MAN2A1: variants seen among roughly 807,000 people sequenced by gnomAD.
MAN2A1 encodes alpha-mannosidase 2.
Under a neutral mutation model 142.6 loss-of-function variants are expected in MAN2A1, and 76 were observed. The observed-to-expected ratio is 0.53, with a 90% CI of 0.44 to 0.65. MAN2A1 has a LOEUF of 0.65. Ranked by LOEUF, MAN2A1 falls within the 30% of genes least tolerant of loss-of-function variation. The pLI, the probability that MAN2A1 is intolerant of heterozygous loss-of-function variation, is 0.00. For synonymous variants in MAN2A1, 559 were observed against 473.2 expected (o/e 1.18, Z -2.35); for missense variants, 1,311 against 1,365.1 (o/e 0.96, Z 0.62).
intron 16 of MAN2A1, among the ~76,000 whole-genome samples, chr5:109,826,694 TAATCA>T (rs1244332282): frequency 2.6e-5 from 4 of 152,232 alleles, no homozygotes; most frequent in African/African-American, 2.4e-5. Context: ...ATGAAATCAC[TAATCA>T]AGGCCCATGA....
intron 5 of MAN2A1, among the ~76,000 whole-genome samples, chr5:109,760,621 C>T (rs1322590430): frequency 6.6e-6 from 1 of 152,158 alleles, no homozygotes; most frequent in Non-Finnish European, 1.5e-5. Flanking sequence ...CCTATTTCTC[C>T]ACATCCTGTC....
At chr5:109,798,278 C>A (rs1480910351) in intron 12 of MAN2A1, among the ~76,000 whole-genome samples, 1 of 152,164 alleles carries the variant, frequency 6.6e-6, no homozygotes, top group African/African-American at 2.4e-5. Flanking sequence ...TTAAAAAATA[C>A]CAACTTCTGG....
chr5:109,820,920 A>G (rs184737766), intron 15 of MAN2A1, among the ~76,000 whole-genome samples: 1 of 152,350 alleles, frequency 6.6e-6, no homozygotes, highest in Admixed American at 6.5e-5. Context: ...GGAGCTTTAT[A>G]TGTATGCATT....
At chr5:109,698,026 A>C (rs192564536) in intron 1 of MAN2A1, among the ~76,000 whole-genome samples, 77 of 152,312 alleles carry the variant, frequency 5.1e-4, no homozygotes, top group Non-Finnish European at 1.0e-3. Context: ...TGCTCTGGGA[A>C]GGAAGGTTCT....
intron 16 of MAN2A1, among the ~76,000 whole-genome samples, chr5:109,833,929 T>G (rs537371081): frequency 7.4e-4 from 113 of 152,324 alleles, no homozygotes; most frequent in African/African-American, 2.6e-3. Context: ...TGTTGCTTAG[T>G]CATTAAAGTC....
intron 4 of MAN2A1, among the ~76,000 whole-genome samples, chr5:109,735,470 A>G (rs555778981): frequency 6.6e-6 from 1 of 152,198 alleles, no homozygotes; most frequent in Admixed American, 6.5e-5. Flanking sequence ...CCTAGCCTCG[A>G]TGGTCTTTAC....
At chr5:109,756,992 AG>A (rs1752706142) in intron 5 of MAN2A1, among the ~76,000 whole-genome samples, 2 of 152,172 alleles carry the variant, frequency 1.3e-5, no homozygotes, top group East Asian at 3.9e-4. Context: ...ATACTGTCAC[AG>A]TTTCGTGCTG....
chr5:109,719,750 T>C (rs181235640), intron 3 of MAN2A1, among the ~76,000 whole-genome samples: 8 of 152,312 alleles, frequency 5.3e-5, no homozygotes, highest in African/African-American at 9.6e-5. Flanking sequence ...GCTGTGTTTT[T>C]CTATATATAG....
In MAN2A1 at chr5:109,817,332, T is replaced by A; in HGVS notation, c.2003T>A (p.Val668Glu). 1 of 1,614,188 alleles carries A rather than the reference T, an allele frequency of 6.2e-7. No homozygotes were observed. Among genetic ancestry groups the A allele is most frequent in the Non-Finnish European group, 8.5e-7 (1 of 1,180,014 alleles). Reference protein sequence around the residue: ...QDRISLVSVYVSSPTVQVFSA... With the variant: ...QDRISLVSVYESSPTVQVFSA... Reference sequence around the variant, plus strand: ...CGAATCTCGTTGGTCTCAGTCTATGTGAGTTCCCCGACAGTGCAAGTGTTC... The same window carrying A: ...CGAATCTCGTTGGTCTCAGTCTATGAGAGTTCCCCGACAGTGCAAGTGTTC... The change falls in exon 13 of 22, where the codon GTG becomes GAG. Residue 668 changes from valine (V) to glutamate (E), a missense_variant. By Grantham distance (121) the Val-to-Glu change is moderately radical. Coordinates refer to ENST00000261483, the MANE Select transcript of MAN2A1 (RefSeq NM_002372.4).
chr5:109,794,562 C>T (rs746954688), intron 12 of MAN2A1, among the ~76,000 whole-genome samples: 97 of 152,136 alleles, frequency 6.4e-4, no homozygotes, highest in Non-Finnish European at 1.0e-3. Context: ...TGGACCCTCT[C>T]CAGCTTCTGT....
At chr5:109,808,689 T>C (rs1370995324) in intron 12 of MAN2A1, among the ~76,000 whole-genome samples, 7 of 148,152 alleles carry the variant, frequency 4.7e-5, no homozygotes, top group Non-Finnish European at 1.0e-4. Flanking sequence ...TTTCTGTTTT[T>C]CTCCTTACAC....
chr5:109,757,255 G>A (rs1235144107), intron 5 of MAN2A1, among the ~76,000 whole-genome samples: 1 of 152,062 alleles, frequency 6.6e-6, no homozygotes, highest in Non-Finnish European at 1.5e-5. Flanking sequence ...TACTTGATAT[G>A]CTAACCCAAG....
In MAN2A1 at chr5:109,690,320, C is replaced by T. The variant is rs1372224618; in HGVS notation, c.-98C>T. 5.9e-6 allele frequency: 8 copies of T among 1,345,986 alleles called. No individual in the cohort carries two copies. Among genetic ancestry groups the T allele is most frequent in the Non-Finnish European group, 8.5e-6 (8 of 945,246 alleles). 83.4% of individuals were successfully genotyped at this position (1,345,986 alleles called of 1,614,324 possible). A position where few individuals can be genotyped will look rare whatever the true frequency, so the allele number is the denominator to read the frequency against. On this transcript the variant is annotated 5_prime_UTR_variant, in exon 1 of 22. Transcript: ENST00000261483. Reference sequence around the variant, plus strand: ...CCGAGAGCGCGGAGGTCGCGCAGCCCGGGAGAAGGGAGCCTCCGGCGGCTG... The same window carrying T: ...CCGAGAGCGCGGAGGTCGCGCAGCCTGGGAGAAGGGAGCCTCCGGCGGCTG...
In MAN2A1 at chr5:109,767,641, T is replaced by A; in HGVS notation, c.942T>A (p.Val314=). The A allele has an allele frequency of 6.2e-7, 1 of 1,613,816 alleles. No homozygotes were observed. Among genetic ancestry groups the A allele is most frequent in the Non-Finnish European group, 8.5e-7 (1 of 1,179,736 alleles). ...TTTCTCACATGCTTATCCAGAGAGT[T>A]CATTATGCAGTTAAAAAACACTTTG... ...AGLSHMLIQR[V]HYAVKKHFAL... The change falls in exon 6 of 22, where the codon GTT becomes GTA. Residue 314 remains valine, a synonymous_variant. Coordinates refer to ENST00000261483, the MANE Select transcript of MAN2A1 (RefSeq NM_002372.4).
In MAN2A1 at chr5:109,765,138, A is replaced by G. The variant is rs560200725; in HGVS notation, c.836-2397A>G. 2.6e-5 allele frequency among the ~76,000 whole-genome samples: 4 copies of G among 152,286 alleles called. No individual in the cohort carries two copies. In the South Asian group the frequency reaches 8.3e-4, roughly 32 times the overall value. On this transcript the variant is annotated intron_variant, in intron 5 of 21. Coordinates refer to ENST00000261483, the MANE Select transcript of MAN2A1 (RefSeq NM_002372.4). ...TATTCAGATTTTGTCAATTATTTCA[A>G]TAATGTCTTTTATAAAAGCCGCTTT...
chr5:109,848,715 C>G (rs1755403909), intron 19 of MAN2A1, among the ~76,000 whole-genome samples: 1 of 152,188 alleles, frequency 6.6e-6, no homozygotes. Context: ...CTCCCTTGCT[C>G]CTCATATCCA....
intron 12 of MAN2A1, among the ~76,000 whole-genome samples, chr5:109,795,422 C>T (rs1476286500): frequency 2.0e-5 from 3 of 152,062 alleles, no homozygotes; most frequent in African/African-American, 7.2e-5. Flanking sequence ...TTCCAGTTTA[C>T]GTGATGGCTG....
At chr5:109,771,476 T>C (rs1036221138) in intron 7 of MAN2A1, among the ~76,000 whole-genome samples, 1 of 152,184 alleles carries the variant, frequency 6.6e-6, no homozygotes, top group African/African-American at 2.4e-5. Flanking sequence ...GAAGGTGTTT[T>C]AGCATGGCAG....
rs1002867538 is a variant in MAN2A1, at chr5:109,842,425, C to T, written c.2664C>T (p.Ser888=). ...IAMKISSDIK[S]QNRFYTDLNG... ...TGAAAATTTCTTCTGATATAAAAAG[C>T]CAAAATAGATTTTATACTGACCTAA... The change falls in exon 17 of 22, where the codon AGC becomes AGT. Residue 888 remains serine (S), a synonymous_variant. Transcript: ENST00000261483. 3 of 1,583,804 alleles carry T rather than the reference C, an allele frequency of 1.9e-6. No individual in the cohort carries two copies. Among genetic ancestry groups the T allele is most frequent in the Non-Finnish European group, 2.6e-6 (3 of 1,155,144 alleles).
Sources: allele counts gnomAD v4.1 joint callset (sites outside exome capture counted in the v4.1 genomes callset), GRCh38; gene constraint gnomAD v4.1.1; transcripts MANE v1.5; gene names NCBI Gene and HGNC (gene_info 2026-07-23, HGNC 2026-07-21).